Variants in SLC12A5 observed in about 807,000 individuals in gnomAD.
SLC12A5 encodes the protein K-Cl cotransporter 2.
In SLC12A5, 18 loss-of-function variants were observed where a neutral mutation model predicts 124.0. That is an observed-to-expected ratio of 0.15 (90% CI 0.10 to 0.22). SLC12A5 has a LOEUF of 0.22. Ranked by LOEUF, SLC12A5 falls within the 10% of genes least tolerant of loss-of-function variation. The pLI, the probability that SLC12A5 is intolerant of heterozygous loss-of-function variation, is 1.00. For synonymous variants in SLC12A5, 589 were observed against 568.0 expected (o/e 1.04, Z -0.53); for missense variants, 867 against 1,478.7 (o/e 0.59, Z 6.78).
chr20:46,035,708 G>A, intron 3 of SLC12A5, 69 bp from the exon 4 acceptor site: 1 of 1,555,828 alleles, frequency 6.4e-7, no homozygotes, highest in South Asian at 1.2e-5. Context: ...GAGAAACATG[G>A]AGGAGGAGCA....
At chr20:46,055,075 G>C in intron 21 of SLC12A5, 52 bp downstream of exon 21, 1 of 1,420,628 alleles carries the variant, frequency 7.0e-7, no homozygotes, top group Non-Finnish European at 9.9e-7. Context: ...GCCAGTTCTG[G>C]GTGGCAGGTT....
intron 1 of SLC12A5, among the ~76,000 whole-genome samples, chr20:46,030,469 C>T (rs1412302195): frequency 6.6e-6 from 1 of 151,470 alleles, no homozygotes; most frequent in Non-Finnish European, 1.5e-5. Context: ...TCCCAGGCCC[C>T]CCGCCGCCCC....
rs776965094 is a variant in SLC12A5, at chr20:46,041,545, G to T, written c.1066+5G>T. On this transcript the variant is annotated splice_donor_5th_base_variant and intron_variant, in intron 8 of 25. Coordinates refer to ENST00000243964, the MANE Select transcript of SLC12A5 (RefSeq NM_020708.5). The stretch of plus-strand genomic sequence containing the variant: ...CTGCCAGTGGCCTCATCAAAGGTCT[G>T]CGGAGGGACAAGGGCTGGCATCCAG... 4 of 1,613,436 alleles carry T rather than the reference G, an allele frequency of 2.5e-6. No homozygotes were observed. The Admixed American group carries it at 6.7e-5, about 27-fold the overall frequency.
In SLC12A5 at chr20:46,058,229, G is replaced by GGAGGC. The variant is rs1293689623; in HGVS notation, c.*630_*634dup. On this transcript the variant is annotated 3_prime_UTR_variant, in exon 26 of 26. Transcript: ENST00000243964. The surrounding 1 kb of genome is among the most constrained non-coding windows in gnomAD (Gnocchi z 5.8). ...AGCTCTCCCGCTGGGGGCACTGCGG[G>GGAGGC]GAGGCGAGGCCTCGGGAAGCTGAAT... The GGAGGC allele has an allele frequency of 2.7e-6, 1 of 377,288 alleles. No individual in the cohort carries two copies. Among genetic ancestry groups the GGAGGC allele is most frequent in the East Asian group, 3.8e-5 (1 of 26,084 alleles). 23.4% of individuals were successfully genotyped at this position (377,288 alleles called of 1,614,324 possible).
chr20:46,036,210 T>C (rs1263923077), intron 4 of SLC12A5: 2 of 360,346 alleles, frequency 5.6e-6, no homozygotes, highest in Non-Finnish European at 1.0e-5. Context: ...AATTCACCTA[T>C]AATCTTACAA....
intron 2 of SLC12A5, 129 bp from the exon 3 acceptor site, chr20:46,035,275 T>C: frequency 8.0e-7 from 1 of 1,250,924 alleles, no homozygotes; most frequent in Admixed American, 2.1e-5. Flanking sequence ...CTGTTCCTCC[T>C]CCTTTCCCAT....
At chr20:46,029,572 A>G (rs1483753315) in intron 1 of SLC12A5, among the ~76,000 whole-genome samples, 176 bp downstream of exon 1, 9 of 152,034 alleles carry the variant, frequency 5.9e-5, no homozygotes, top group African/African-American at 1.9e-4. Flanking sequence ...GGCGCTGTCC[A>G]AGGTGCTGGA....
At position 46,056,615 on chromosome 20, in the gene SLC12A5, T is replaced by G. The variant is rs759144032; in HGVS notation, c.3110+51T>G. 1 of 1,565,966 alleles carries G rather than the reference T, an allele frequency of 6.4e-7. No individual in the cohort carries two copies. The highest frequency in any genetic ancestry group is 1.8e-5 in the Admixed American group (1 of 54,322). The stretch of plus-strand genomic sequence containing the variant: ...GGGGCTGGGGTGAGCTAAAGGGTCT[T>G]GCTCCCCATGGCAGAGCAAGAGAGC... On this transcript the variant is annotated intron_variant, in intron 23 of 25. Coordinates refer to ENST00000243964, the MANE Select transcript of SLC12A5 (RefSeq NM_020708.5). This position sits in a 1 kb window ranked among gnomAD's most constrained non-coding sequence, Gnocchi z 4.3.
chr20:46,059,833 G>T lies in SLC12A5; in HGVS notation c.*2228G>T. The T allele has an allele frequency of 2.5e-6, 1 of 393,568 alleles. No homozygotes were observed. The highest frequency in any genetic ancestry group is 4.5e-6 in the Non-Finnish European group (1 of 223,244). 24.4% of individuals were successfully genotyped at this position (393,568 alleles called of 1,614,324 possible). ...GATAACTAGTGTTGCTTTTGTTTTA[G>T]ATGATCTATGTGCAGGGCAATGCAA... On this transcript the variant is annotated 3_prime_UTR_variant, in exon 26 of 26. Transcript: ENST00000243964.
rs144111026 is a variant in SLC12A5, at chr20:46,057,131, C to T, written c.3126-39C>T. Reference sequence around the variant, plus strand: ...GACTGGCTCCAATCTTCTCTACCCCCCCGGCTCACGCGGTCTCCACTCCTC... The same window carrying T: ...GACTGGCTCCAATCTTCTCTACCCCTCCGGCTCACGCGGTCTCCACTCCTC... On this transcript the variant is annotated intron_variant, in intron 24 of 25. Coordinates refer to ENST00000243964, the MANE Select transcript of SLC12A5 (RefSeq NM_020708.5). The surrounding 1 kb of genome is among the most constrained non-coding windows in gnomAD (Gnocchi z 7.1). 2.8e-4 allele frequency: 452 copies of T among 1,612,026 alleles called. 1 individual carries two copies. The East Asian group carries it at 8.7e-3, about 31-fold the overall frequency.
In SLC12A5 at chr20:46,056,758, C is replaced by T; in HGVS notation, c.3111-139C>T. On this transcript the variant is annotated intron_variant, in intron 23 of 25. Transcript: ENST00000243964. This position sits in a 1 kb window ranked among gnomAD's most constrained non-coding sequence, Gnocchi z 4.3. Reference sequence around the variant, plus strand: ...AAGTCTCAGAATTCCCAGTTGCAGGCAGCGGAAAGGTGAAGGGTGTGGGGG... The same window carrying T: ...AAGTCTCAGAATTCCCAGTTGCAGGTAGCGGAAAGGTGAAGGGTGTGGGGG... 1 of 1,153,806 alleles carries T rather than the reference C, an allele frequency of 8.7e-7. No individual in the cohort carries two copies. The highest frequency in any genetic ancestry group is 1.3e-6 in the Non-Finnish European group (1 of 784,224). 71.5% of individuals were successfully genotyped at this position (1,153,806 alleles called of 1,614,324 possible).
chr20:46,032,997 A>G (rs1383127399), intron 1 of SLC12A5, among the ~76,000 whole-genome samples: 4 of 152,180 alleles, frequency 2.6e-5, no homozygotes, highest in Non-Finnish European at 4.4e-5. Flanking sequence ...GAAAGAGCTG[A>G]CGATTGCACC....
In SLC12A5 at chr20:46,036,587, G is replaced by C. The variant is rs2084500532; in HGVS notation, c.427-154G>C. The C allele has an allele frequency of 3.0e-5, 20 of 662,062 alleles. No individual in the cohort carries two copies. In the South Asian group the frequency reaches 3.6e-4, roughly 12 times the overall value. The allele number at this position is 662,062 out of a possible 1,614,324, so 41.0% of individuals were successfully genotyped here. A position where few individuals can be genotyped will look rare whatever the true frequency, so the allele number is the denominator to read the frequency against. ...AAGGTTTTCTTGAGAAGAAGGACTT[G>C]GCAGGAGTAGAAGTTGGAACAGGTC... On this transcript the variant is annotated intron_variant, in intron 4 of 25. Coordinates refer to ENST00000243964, the MANE Select transcript of SLC12A5 (RefSeq NM_020708.5).
At position 46,041,827 on chromosome 20, in the gene SLC12A5, C is replaced by T. The variant is rs373511772; in HGVS notation, c.1066+287C>T. Among the ~76,000 whole-genome samples, 13 of 152,278 alleles carry T rather than the reference C, an allele frequency of 8.5e-5. No homozygotes were observed. The East Asian group carries it at 1.5e-3, about 18-fold the overall frequency. Reference sequence around the variant, plus strand: ...GTGCTAGGAACACAAAATAAATAAGCCACAGTTCCTGGCCTCAAGGAGACT... The same window carrying T: ...GTGCTAGGAACACAAAATAAATAAGTCACAGTTCCTGGCCTCAAGGAGACT... On this transcript the variant is annotated intron_variant, in intron 8 of 25. Transcript: ENST00000243964.
intron 21 of SLC12A5, chr20:46,055,857 G>C: frequency 2.7e-6 from 1 of 376,096 alleles, no homozygotes; most frequent in South Asian, 3.5e-5. Flanking sequence ...AACATGGCAT[G>C]GTCACTGACC....
At chr20:46,041,164 A>AG in intron 7 of SLC12A5, 165 bp from the exon 8 acceptor site, 1 of 266,444 alleles carries the variant, frequency 3.8e-6, no homozygotes, top group Non-Finnish European at 6.2e-6. Flanking sequence ...GGAGCTTAAG[A>AG]AAAAAAAAAA....
chr20:46,029,211 G>A, upstream of SLC12A5: 4 of 1,439,924 alleles, frequency 2.8e-6, no homozygotes, highest in Non-Finnish European at 2.7e-6. Context: ...CCGGGCGGGC[G>A]GGCACTGCAG....
At chr20:46,050,369 G>A (rs6032636) in intron 17 of SLC12A5, among the ~76,000 whole-genome samples, 4,617 of 152,316 alleles carry the variant, frequency 0.03, 163 homozygotes, top group Admixed American at 0.11. Context: ...ATGCTTACAG[G>A]GCAGCCTACA....
intron 6 of SLC12A5, among the ~76,000 whole-genome samples, chr20:46,039,001 C>A (rs1159484801): frequency 6.6e-6 from 1 of 152,040 alleles, no homozygotes; most frequent in Non-Finnish European, 1.5e-5. Context: ...CTGCCCATTG[C>A]AGAAAATTGG....
Sources: gnomAD v4.1 joint callset for allele counts (sites outside exome capture counted in the v4.1 genomes callset) on GRCh38, gnomAD v4.1.1 for gene constraint, Gnocchi (gnomAD v3.1) non-coding constraint, MANE v1.5 for transcripts, NCBI Gene and HGNC (gene_info 2026-07-23, HGNC 2026-07-21) for gene names.